Variants in ZNF207 observed in about 807,000 individuals in gnomAD.
ZNF207 encodes the protein zinc finger protein 207, also known as BUB3-interacting and GLEBS motif-containing protein ZNF207.
ZNF207 carries 24 observed loss-of-function variants against 60.2 expected under a neutral mutation model. The ratio of observed to expected loss-of-function variants is 0.40; its 90% confidence interval spans 0.29 to 0.56. The LOEUF (loss-of-function observed/expected upper bound fraction) is 0.56. ZNF207 is among the 20% of genes least tolerant of loss of function. The pLI is 0.49. For synonymous variants in ZNF207, 236 were observed against 194.7 expected, an observed-to-expected ratio of 1.21 and a Z score of -1.77; for missense variants, 452 against 636.6, an observed-to-expected ratio of 0.71 and a Z score of 3.12.
At position 32,380,097 on chromosome 17, in the gene ZNF207, A is replaced by G. The variant is rs1291875607; in HGVS notation, c.*10338A>G. 1.3e-5 allele frequency: 2 copies of G among 152,606 alleles called. No individual in the cohort carries two copies. Among genetic ancestry groups the G allele is most frequent in the African/African-American group, 4.8e-5 (2 of 41,446 alleles). 9.5% of individuals were successfully genotyped at this position (152,606 alleles called of 1,614,324 possible). ...CATTCTTCTAGATAAGCACTAAACA[A>G]AGTATGGACCCTCAATTTATGTCTT... On this transcript the variant is annotated 3_prime_UTR_variant, in exon 12 of 12. Transcript: ENST00000394670.
intron 6 of ZNF207, 187 bp from the exon 7 acceptor site, chr17:32,362,727 T>G (rs1175911729): frequency 2.2e-6 from 1 of 464,954 alleles, no homozygotes; most frequent in Non-Finnish European, 3.8e-6. Context: ...TTTGCTGGGT[T>G]TTAGACAATT....
At chr17:32,358,676 A>T (rs1477566740) in intron 3 of ZNF207, 35 bp downstream of exon 3, 26 of 1,332,206 alleles carry the variant, frequency 2.0e-5, no homozygotes, top group East Asian at 1.8e-4. Context: ...TTATTTATTT[A>T]TTTTTTTTAA....
In ZNF207 at chr17:32,360,737, A is replaced by G. The variant is rs778060076; in HGVS notation, c.447A>G (p.Pro149=). 1.2e-6 allele frequency: 2 copies of G among 1,614,126 alleles called. No individual in the cohort carries two copies. Among genetic ancestry groups the G allele is most frequent in the Non-Finnish European group, 1.7e-6 (2 of 1,179,996 alleles). The stretch of plus-strand genomic sequence containing the variant: ...CAATGGCACAGCCAGGACTGCCACC[A>G]GTACCAGGAGCACCAGGAATGCCTC... ...IPPMAQPGLP[P]VPGAPGMPPG... Residue 149 remains proline, a synonymous_variant, in exon 4 of 12, where the codon CCA becomes CCG. Coordinates refer to ENST00000394670, the MANE Select transcript of ZNF207 (RefSeq NM_001098507.2).
rs534286034 is a variant in ZNF207, at chr17:32,379,042, A to G, written c.*9283A>G. 6.6e-6 allele frequency: 1 copy of G among 152,260 alleles called. No homozygotes were observed. The highest frequency in any genetic ancestry group is 1.9e-4 in the East Asian group (1 of 5,194). The allele number at this position is 152,260 out of a possible 1,614,324, so 9.4% of individuals were successfully genotyped here. A position where few individuals can be genotyped will look rare whatever the true frequency, so the allele number is the denominator to read the frequency against. On this transcript the variant is annotated 3_prime_UTR_variant, in exon 12 of 12. Transcript: ENST00000394670. ...TTGCTAAATTTTAAAACATGGATTT[A>G]TCAACTGATAATAAAATATATCTTA... is the stretch of plus-strand genomic sequence containing the variant.
At position 32,367,282 on chromosome 17, in the gene ZNF207, T is replaced by TATAAAA. The variant is rs1555608396; in HGVS notation, c.922-485_922-484insAATAAA. ...ATATATATATATATATATATATATATATAAAGAATACTACTAAAGGATGTA... is the reference window on the plus strand; with the variant it reads ...ATATATATATATATATATATATATATATAAAAATAAAGAATACTACTAAAGGATGTA... On this transcript the variant is annotated intron_variant, in intron 9 of 11. Coordinates refer to ENST00000394670, the MANE Select transcript of ZNF207 (RefSeq NM_001098507.2). 2.3e-3 allele frequency among the ~76,000 whole-genome samples: 192 copies of TATAAAA among 82,806 alleles called. 1 individual carries two copies. Among genetic ancestry groups the TATAAAA allele is most frequent in the Middle Eastern group, 7.8e-3 (1 of 128 alleles). The allele number at this position is 82,806 out of a possible 152,430, so 54.3% of individuals were successfully genotyped here. A position where few individuals can be genotyped will look rare whatever the true frequency, so the allele number is the denominator to read the frequency against.
intron 9 of ZNF207, among the ~76,000 whole-genome samples, chr17:32,367,255 ATATATATATATATATATATATATAT>A (rs1905221905): frequency 2.8e-5 from 2 of 70,926 alleles, no homozygotes; most frequent in African/African-American, 4.8e-5. Flanking sequence ...ATATATATAT[ATATATATATATATATATATATATAT>A]ATATAAAGAA....
At chr17:32,355,025 C>CA (rs1409850090) in intron 2 of ZNF207, among the ~76,000 whole-genome samples, 1 of 152,178 alleles carries the variant, frequency 6.6e-6, no homozygotes, top group Non-Finnish European at 1.5e-5. Context: ...GAGATGGTGA[C>CA]AGAGACCAGA....
Position 32,377,869 on chromosome 17 carries a change from G to T in ZNF207, c.*8110G>T, listed in dbSNP as rs1905733271. ...AATGCACATTGACTTTTTAAACTAT[G>T]GATTGAACTCCTCAGTTTAATACAA... On this transcript the variant is annotated 3_prime_UTR_variant, in exon 12 of 12. Transcript: ENST00000394670. 6.6e-6 allele frequency: 1 copy of T among 151,910 alleles called. No homozygotes were observed. The highest frequency in any genetic ancestry group is 2.1e-4 in the South Asian group (1 of 4,820). The allele number at this position is 151,910 out of a possible 1,614,324, so 9.4% of individuals were successfully genotyped here.
chr17:32,362,456 C>T (rs899627669), intron 6 of ZNF207, among the ~76,000 whole-genome samples: 3 of 152,206 alleles, frequency 2.0e-5, no homozygotes, highest in Non-Finnish European at 2.9e-5. Context: ...AGCTGCTGCA[C>T]CTAGCCAAAT....
At chr17:32,354,038 A>G (rs1408277358) in intron 2 of ZNF207, among the ~76,000 whole-genome samples, 3 of 152,162 alleles carry the variant, frequency 2.0e-5, no homozygotes, top group Non-Finnish European at 4.4e-5. Context: ...GCTGGAGTGC[A>G]GATCATAGCT....
rs572961570 is a variant in ZNF207, at chr17:32,354,346, G to GT, written c.168+2438dup. Reference sequence around the variant, plus strand: ...TGTATGCTCTGTCAGTTTTTTTTTTGTTTTATTTTGAAACGGAGTTTTGCT... The same window carrying GT: ...TGTATGCTCTGTCAGTTTTTTTTTTGTTTTTATTTTGAAACGGAGTTTTGCT... On this transcript the variant is annotated intron_variant, in intron 2 of 11. Transcript: ENST00000394670. Among the ~76,000 whole-genome samples, 326 of 151,168 alleles carry GT rather than the reference G, an allele frequency of 2.2e-3. 1 individual carries two copies. The highest frequency in any genetic ancestry group is 7.7e-3 in the African/African-American group (317 of 41,230).
At chr17:32,358,928 T>G (rs1249055245) in intron 3 of ZNF207, among the ~76,000 whole-genome samples, 1 of 151,806 alleles carries the variant, frequency 6.6e-6, no homozygotes, top group Non-Finnish European at 1.5e-5. Flanking sequence ...GCCTCCTGAG[T>G]AGCTGGCACT....
In ZNF207 at chr17:32,373,191, A is replaced by G. The variant is rs558900114; in HGVS notation, c.*3432A>G. On this transcript the variant is annotated 3_prime_UTR_variant, in exon 12 of 12. Transcript: ENST00000394670. ...TACATTTTGAACTTAGACTCACCTT[A>G]ATTAAACTTAATTAATTGGGGAGGG... 3.1e-4 allele frequency: 134 copies of G among 430,844 alleles called. No homozygotes were observed. The highest frequency in any genetic ancestry group is 2.7e-3 in the African/African-American group (126 of 46,606). The allele number at this position is 430,844 out of a possible 1,614,324, so 26.7% of individuals were successfully genotyped here. A position where few individuals can be genotyped will look rare whatever the true frequency, so the allele number is the denominator to read the frequency against.
chr17:32,362,854 T>G, intron 6 of ZNF207, 60 bp from the exon 7 acceptor site: 1 of 1,490,304 alleles, frequency 6.7e-7, no homozygotes, highest in Non-Finnish European at 9.3e-7. Flanking sequence ...AGCCAGAATA[T>G]TTTTTAATGG....
rs1373580160 is a variant in ZNF207, at chr17:32,374,340, C to G, written c.*4581C>G. On this transcript the variant is annotated 3_prime_UTR_variant, in exon 12 of 12. Transcript: ENST00000394670. The stretch of plus-strand genomic sequence containing the variant: ...TCAAGCGATTCTCCTGTCTCAGCCT[C>G]CCGAGTAGCTGGGACTACAGGTGCT... The G allele has an allele frequency of 6.6e-6, 1 of 151,466 alleles. No homozygotes were observed. The highest frequency in any genetic ancestry group is 1.5e-5 in the Non-Finnish European group (1 of 68,154). The allele number at this position is 151,466 out of a possible 1,614,324, so 9.4% of individuals were successfully genotyped here. A position where few individuals can be genotyped will look rare whatever the true frequency, so the allele number is the denominator to read the frequency against.
At chr17:32,353,803 T>G (rs1904331477) in intron 2 of ZNF207, among the ~76,000 whole-genome samples, 1 of 125,746 alleles carries the variant, frequency 8.0e-6, no homozygotes. Flanking sequence ...TGACAGAGAC[T>G]CTGTCTCCAA....
intron 2 of ZNF207, among the ~76,000 whole-genome samples, chr17:32,352,946 G>A (rs2041533023): frequency 5.3e-5 from 8 of 152,238 alleles, no homozygotes; most frequent in Admixed American, 5.2e-4. Flanking sequence ...GGAGGCCAAG[G>A]TGGGCGGATC....
chr17:32,361,416 C>G (rs1269257809), intron 5 of ZNF207, 52 bp from the exon 6 acceptor site: 24 of 1,507,178 alleles, frequency 1.6e-5, no homozygotes, highest in Non-Finnish European at 2.0e-5. Flanking sequence ...CACTTTCCCA[C>G]TGTATTTTGA....
intron 1 of ZNF207, chr17:32,351,370 C>T: frequency 2.1e-6 from 2 of 972,846 alleles, no homozygotes; most frequent in East Asian, 1.1e-4. Context: ...TGCTAAATTC[C>T]TAATCCAGTT....
Sources: allele counts gnomAD v4.1 joint callset (sites outside exome capture counted in the v4.1 genomes callset), GRCh38; gene constraint gnomAD v4.1.1; transcripts MANE v1.5; gene names NCBI Gene and HGNC (gene_info 2026-07-23, HGNC 2026-07-21).